Variants in RIMS2 observed in about 807,000 individuals in gnomAD.
RIMS2 encodes the protein regulating synaptic membrane exocytosis 2, also known as regulating synaptic membrane exocytosis protein 2.
Under a neutral mutation model 174.4 loss-of-function variants are expected in RIMS2, and 59 were observed. That is an observed-to-expected ratio of 0.34 (90% CI 0.27 to 0.42). The LOEUF (loss-of-function observed/expected upper bound fraction) is 0.42. RIMS2 is among the 10% of genes least tolerant of loss of function. The pLI is 1.00. For synonymous variants in RIMS2, 606 were observed against 572.5 expected (o/e 1.06, Z -0.84); for missense variants, 1,620 against 1,666.3 (o/e 0.97, Z 0.48).
chr8:103,716,231 A>T (rs2097366774), intron 2 of RIMS2, 78 bp from the exon 5 acceptor site: 1 of 152,052 alleles, frequency 6.6e-6, no homozygotes, highest in Non-Finnish European at 1.5e-5. Flanking sequence ...TACTTGTTTT[A>T]AGAATGGAAT....
chr8:103,932,516 C>T (rs936695594), intron 12 of RIMS2, among the ~76,000 whole-genome samples: 6 of 152,110 alleles, frequency 3.9e-5, no homozygotes, highest in African/African-American at 9.7e-5. Context: ...ATTAAGAAAG[C>T]TGTTTTTAAC....
At chr8:103,791,552 TA>T (rs2098499632) in intron 3 of RIMS2, among the ~76,000 whole-genome samples, 1 of 152,156 alleles carries the variant, frequency 6.6e-6, no homozygotes, top group South Asian at 2.1e-4. Context: ...AATGACAGGA[TA>T]AAATTCACAC....
intron 3 of RIMS2, among the ~76,000 whole-genome samples, chr8:103,766,765 C>T (rs565553289): frequency 6.6e-6 from 1 of 152,076 alleles, no homozygotes; most frequent in Admixed American, 6.5e-5. Flanking sequence ...GATTTCCCAG[C>T]ATAAAGAAGT....
intron 19 of RIMS2, among the ~76,000 whole-genome samples, chr8:104,140,103 G>A (rs995687520): frequency 6.6e-6 from 1 of 152,112 alleles, no homozygotes; most frequent in Non-Finnish European, 1.5e-5. Flanking sequence ...CGCATCGCTA[G>A]GATCAATCCC....
At chr8:104,078,808 ATTTC>A (rs984979694) in intron 19 of RIMS2, among the ~76,000 whole-genome samples, 12 of 152,014 alleles carry the variant, frequency 7.9e-5, no homozygotes, top group African/African-American at 2.4e-4. Context: ...ACTTTTCTCT[ATTTC>A]TTCCTATTTT....
intron 3 of RIMS2, among the ~76,000 whole-genome samples, chr8:103,802,840 G>A (rs2098622526): frequency 6.6e-6 from 1 of 152,098 alleles, no homozygotes; most frequent in Non-Finnish European, 1.5e-5. Flanking sequence ...GGTCATACAA[G>A]GTCTAGTCAC....
intron 1 of RIMS2, among the ~76,000 whole-genome samples, chr8:103,547,652 C>T (rs553986273): frequency 6.6e-6 from 1 of 151,998 alleles, no homozygotes; most frequent in Non-Finnish European, 1.5e-5. Context: ...CAAAAAATAA[C>T]CAAAATCAGT....
chr8:104,204,079 T>C (rs993050449), intron 19 of RIMS2, among the ~76,000 whole-genome samples: 1 of 152,182 alleles, frequency 6.6e-6, no homozygotes, highest in East Asian at 1.9e-4. Context: ...ACATTAAAAA[T>C]GCTAGATAAA....
rs781451249 is a variant in RIMS2 at position 103,920,710 on chromosome 8, C to A, written c.2084-962C>A. 144 of 457,146 alleles carry A rather than the reference C, an allele frequency of 3.1e-4. 1 individual carries two copies. The highest frequency in any genetic ancestry group is 9.6e-4 in the Admixed American group (41 of 42,572). The allele number at this position is 457,146 out of a possible 1,614,324, so 28.3% of individuals were successfully genotyped here. ...TTCCCTTAAATATAGGTCTTCCTGGCCTAGCGTGGTGGCTCACGCGTGTAA... is the reference window on the plus strand; with the variant it reads ...TTCCCTTAAATATAGGTCTTCCTGGACTAGCGTGGTGGCTCACGCGTGTAA... On this transcript the variant is annotated intron_variant, in intron 9 of 23. Transcript: ENST00000504942.
intron 1 of RIMS2, chr8:103,569,062 T>G (rs1222853209): frequency 7.8e-6 from 3 of 385,288 alleles, no homozygotes; most frequent in African/African-American, 6.7e-5. Flanking sequence ...TCTTTTTTTT[T>G]GTTTTTGTTG....
At chr8:103,793,325 A>G (rs1372781703) in intron 3 of RIMS2, among the ~76,000 whole-genome samples, 3 of 152,194 alleles carry the variant, frequency 2.0e-5, no homozygotes, top group East Asian at 3.8e-4. Context: ...AACCAAGACA[A>G]AAACCACATG....
intron 2 of RIMS2, among the ~76,000 whole-genome samples, chr8:103,711,276 C>T (rs2097300199): frequency 6.6e-6 from 1 of 152,080 alleles, no homozygotes; most frequent in Non-Finnish European, 1.5e-5. Flanking sequence ...ATGTGTTGTC[C>T]TCAGGGAGAG....
intron 1 of RIMS2, among the ~76,000 whole-genome samples, chr8:103,518,235 A>C (rs577200157): frequency 9.2e-5 from 14 of 152,154 alleles, no homozygotes; most frequent in African/African-American, 3.1e-4. Flanking sequence ...AAGTTATTAG[A>C]ATGACTGTAT....
chr8:103,961,586 T>G (rs897002450), intron 15 of RIMS2, among the ~76,000 whole-genome samples: 7 of 152,144 alleles, frequency 4.6e-5, no homozygotes, highest in Admixed American at 3.3e-4. Flanking sequence ...AATTATAGTA[T>G]TGTAGTTTAA....
chr8:103,596,472 G>T (rs1355767054), intron 1 of RIMS2, among the ~76,000 whole-genome samples: 1 of 151,974 alleles, frequency 6.6e-6, no homozygotes, highest in Non-Finnish European at 1.5e-5. Flanking sequence ...TTACCATGTG[G>T]TGAATTAGCT....
chr8:103,825,444 T>TA (rs1285718463), intron 3 of RIMS2, among the ~76,000 whole-genome samples: 2 of 99,492 alleles, frequency 2.0e-5, no homozygotes, highest in African/African-American at 9.1e-5. Context: ...AATGGCTAGC[T>TA]AATTTTTTTT....
chr8:103,909,285 T>G (rs964156044), intron 4 of RIMS2, among the ~76,000 whole-genome samples: 1 of 151,954 alleles, frequency 6.6e-6, no homozygotes, highest in African/African-American at 2.4e-5. Context: ...AAAAGATATA[T>G]GTACATATAT....
intron 4 of RIMS2, among the ~76,000 whole-genome samples, chr8:103,907,637 C>T (rs1274463884): frequency 2.0e-5 from 3 of 151,952 alleles, no homozygotes; most frequent in Admixed American, 2.0e-4. Context: ...ATTTTACCCT[C>T]TATTTCTAAA....
At chr8:103,802,583 T>C (rs886105125) in intron 3 of RIMS2, among the ~76,000 whole-genome samples, 1 of 147,274 alleles carries the variant, frequency 6.8e-6, no homozygotes, top group Non-Finnish European at 1.5e-5. Context: ...AGTGTTTATT[T>C]AGATCTTTTT....
Sources: gnomAD v4.1 joint callset for allele counts (sites outside exome capture counted in the v4.1 genomes callset) on GRCh38, gnomAD v4.1.1 for gene constraint, MANE v1.5 for transcripts, NCBI Gene and HGNC (gene_info 2026-07-23, HGNC 2026-07-21) for gene names.